DHX29: variants seen among roughly 807,000 people sequenced by gnomAD.
DHX29 encodes the protein DExH-box helicase 29, also known as ATP-dependent RNA helicase DHX29.
In DHX29, 79 loss-of-function variants were observed where a neutral mutation model predicts 167.9. The observed-to-expected ratio is 0.47, with a 90% CI of 0.39 to 0.57. DHX29 has a LOEUF of 0.57. DHX29 is among the 20% of genes least tolerant of loss of function. The pLI, the probability that DHX29 is intolerant of heterozygous loss-of-function variation, is 0.00. For synonymous variants in DHX29, 530 were observed against 546.0 expected, an observed-to-expected ratio of 0.97 and a Z score of 0.41; for missense variants, 1,347 against 1,593.4, an observed-to-expected ratio of 0.85 and a Z score of 2.63.
chr5:55,285,790 T>C lies in DHX29; in HGVS notation c.1138A>G (p.Lys380Glu). The C allele has an allele frequency of 6.2e-7, 1 of 1,605,382 alleles. No homozygotes were observed. Among genetic ancestry groups the C allele is most frequent in the Non-Finnish European group, 8.5e-7 (1 of 1,173,804 alleles). The stretch of plus-strand genomic sequence containing the variant: ...CTGACCCAATCAATCAGAAATTGTT[T>C]GGGAGATTTTCCAGTCCAACTTCGA... ...TARSWTGKSP[K>E]QFLIDWVRKN... The change falls in exon 9 of 27, where the codon AAA (lysine) becomes GAA (glutamate). Residue 380 changes from lysine (K) to glutamate (E), a missense_variant. Transcript: ENST00000251636.
At chr5:55,282,549 T>C (rs183007626) in intron 11 of DHX29, among the ~76,000 whole-genome samples, 78 of 152,264 alleles carry the variant, frequency 5.1e-4, no homozygotes, top group Non-Finnish European at 8.8e-4. Context: ...TAATATGCCA[T>C]CTCCAGAAAG....
At chr5:55,275,761 GTA>G (rs1561146715) in intron 14 of DHX29, among the ~76,000 whole-genome samples, 78 of 152,064 alleles carry the variant, frequency 5.1e-4, no homozygotes, top group African/African-American at 1.7e-3. Context: ...ATGTATGTAT[GTA>G]TGTATGTATG....
chr5:55,288,351 A>G (rs1268666715), intron 8 of DHX29, among the ~76,000 whole-genome samples: 5 of 151,772 alleles, frequency 3.3e-5, no homozygotes, highest in Non-Finnish European at 2.9e-5. Flanking sequence ...TCTAAAACCT[A>G]TAATGCAATG....
At chr5:55,274,511 A>C in intron 16 of DHX29, 103 bp downstream of exon 16, 1 of 818,468 alleles carries the variant, frequency 1.2e-6, no homozygotes, top group Non-Finnish European at 1.9e-6. Context: ...GGTAATTTTA[A>C]CCCATGGTGA....
At position 55,290,306 on chromosome 5, in the gene DHX29, A is replaced by C. The variant is rs1747974654; in HGVS notation, c.819T>G (p.Asp273Glu). The C allele has an allele frequency of 6.2e-7, 1 of 1,611,606 alleles. No individual in the cohort carries two copies. Among genetic ancestry groups the C allele is most frequent in the African/African-American group, 1.3e-5 (1 of 74,734 alleles). ...TAAAGGTAGCTGCTTGTTCTTTTGC[A>C]TCCAGCAGTTTTGCTGCAAGATGTA... is the stretch of plus-strand genomic sequence containing the variant. Reference protein sequence around the residue: ...RYLHLAAKLLDAKEQAATFKL... With the variant: ...RYLHLAAKLLEAKEQAATFKL... Residue 273 changes from aspartate (D) to glutamate (E), a missense_variant, in exon 7 of 27, where the codon GAT (aspartate) becomes GAG (glutamate). Coordinates refer to ENST00000251636, the MANE Select transcript of DHX29 (RefSeq NM_019030.4).
At chr5:55,294,675 T>C (rs1325673161) in intron 5 of DHX29, among the ~76,000 whole-genome samples, 1 of 152,162 alleles carries the variant, frequency 6.6e-6, no homozygotes, top group Non-Finnish European at 1.5e-5. Flanking sequence ...CAAGACTCTG[T>C]CTCAAAAAAA....
intron 6 of DHX29, among the ~76,000 whole-genome samples, chr5:55,292,214 T>C (rs1275635553): frequency 6.6e-6 from 1 of 152,190 alleles, no homozygotes; most frequent in Non-Finnish European, 1.5e-5. Flanking sequence ...ACAGCTGACA[T>C]CCTAACGGGT....
intron 4 of DHX29, among the ~76,000 whole-genome samples, chr5:55,295,870 A>G (rs1748295924): frequency 6.6e-6 from 1 of 152,192 alleles, no homozygotes; most frequent in African/African-American, 2.4e-5. Flanking sequence ...TGCACTCCAG[A>G]TTCTTGCCAA....
chr5:55,297,493 C>T, intron 2 of DHX29, 95 bp from the exon 3 acceptor site: 1 of 638,868 alleles, frequency 1.6e-6, no homozygotes, highest in South Asian at 1.9e-5. Context: ...CCAACCAAGC[C>T]CAAAATTTCA....
chr5:55,289,204 C>A, intron 8 of DHX29, 66 bp downstream of exon 8: 2 of 1,429,506 alleles, frequency 1.4e-6, no homozygotes, highest in African/African-American at 3.0e-5. Flanking sequence ...CGAATTTTAC[C>A]ATTATATATT....
In DHX29 at chr5:55,256,455, A is replaced by C; in HGVS notation, c.*33T>G. Reference sequence around the variant, plus strand: ...AATTTCATGACTGTATCTTCATCTTAATTTTTAAAGCAGTTGACCATGAAT... The same window carrying C: ...AATTTCATGACTGTATCTTCATCTTCATTTTTAAAGCAGTTGACCATGAAT... On this transcript the variant is annotated 3_prime_UTR_variant, in exon 27 of 27. Transcript: ENST00000251636. The C allele has an allele frequency of 6.4e-7, 1 of 1,553,934 alleles. No homozygotes were observed. Among genetic ancestry groups the C allele is most frequent in the Non-Finnish European group, 8.7e-7 (1 of 1,150,408 alleles).
chr5:55,299,024 G>A (rs1449086745), intron 1 of DHX29, among the ~76,000 whole-genome samples: 10 of 124,738 alleles, frequency 8.0e-5, no homozygotes, highest in Admixed American at 6.4e-4. Flanking sequence ...GCGACAGAGC[G>A]AGACTCCGTC....
At chr5:55,261,536 A>G in intron 24 of DHX29, 37 bp from the exon 25 acceptor site, 1 of 1,363,204 alleles carries the variant, frequency 7.3e-7, no homozygotes, top group Non-Finnish European at 1.0e-6. Flanking sequence ...ACTTCAAAAT[A>G]TAAAAATAGA....
At chr5:55,282,039 G>C (rs1250310881) in intron 11 of DHX29, among the ~76,000 whole-genome samples, 1 of 152,046 alleles carries the variant, frequency 6.6e-6, no homozygotes, top group African/African-American at 2.4e-5. Flanking sequence ...CCCCGCCTCA[G>C]CCTCCCAAAG....
chr5:55,276,550 G>A, intron 13 of DHX29, 144 bp from the exon 14 acceptor site: 2 of 621,128 alleles, frequency 3.2e-6, no homozygotes, highest in Middle Eastern at 4.5e-4. Context: ...GTATTATTTG[G>A]GAATGAAGAC....
In DHX29 at chr5:55,267,172, T is replaced by G; in HGVS notation, c.3491A>C (p.Asn1164Thr). The G allele has an allele frequency of 6.2e-7, 1 of 1,613,116 alleles. No individual in the cohort carries two copies. Among genetic ancestry groups the G allele is most frequent in the Non-Finnish European group, 8.5e-7 (1 of 1,179,432 alleles). The change falls in exon 23 of 27, where the codon AAC (asparagine) becomes ACC (threonine). Residue 1164 changes from asparagine (N) to threonine (T), a missense_variant. Physicochemically the swap from Asn to Thr is moderately conservative, Grantham distance 65 (BLOSUM62 0). Around this residue, in one of 3 missense-constraint regions of DHX29, gnomAD observed 882 missense variants for 1,082.4 expected, o/e 0.81. Coordinates refer to ENST00000251636, the MANE Select transcript of DHX29 (RefSeq NM_019030.4). The stretch of plus-strand genomic sequence containing the variant: ...TAACAGTGATGTTCTATTAAGAAAG[T>G]TCCTCCGGCAGTATGTGATTTCAGA... ...YRSEITYCRR[N>T]FLNRTSLLTL...
At chr5:55,298,440 T>C in intron 2 of DHX29, 151 bp downstream of exon 2, 1 of 554,254 alleles carries the variant, frequency 1.8e-6, no homozygotes, top group Non-Finnish European at 3.4e-6. Flanking sequence ...ATGTGTATGA[T>C]TTACTTATTT....
intron 6 of DHX29, among the ~76,000 whole-genome samples, chr5:55,292,868 T>A (rs1748119620): frequency 6.6e-6 from 1 of 152,204 alleles, no homozygotes; most frequent in South Asian, 2.1e-4. Context: ...CTTGACTTAA[T>A]GCTCCAATCA....
In DHX29 at chr5:55,269,622, A is replaced by C; in HGVS notation, c.3085T>G (p.Ser1029Ala). 1 of 1,613,400 alleles carries C rather than the reference A, an allele frequency of 6.2e-7. No homozygotes were observed. Among genetic ancestry groups the C allele is most frequent in the Non-Finnish European group, 8.5e-7 (1 of 1,179,430 alleles). ...GCTTTGGAGAGGAAATCTTCAGGAGAACCAAGATTACATTTCTGCAGATTA... is the reference window on the plus strand; with the variant it reads ...GCTTTGGAGAGGAAATCTTCAGGAGCACCAAGATTACATTTCTGCAGATTA... ...CLHIMKCNLGSPEDFLSKALD... is the reference protein window; with the variant it reads ...CLHIMKCNLGAPEDFLSKALD... Residue 1029 changes from serine to alanine, a missense_variant, in exon 21 of 27, where the codon TCT becomes GCT. By Grantham distance (99) the Ser-to-Ala change is moderately conservative. Around this residue, in one of 3 missense-constraint regions of DHX29, gnomAD observed 882 missense variants for 1,082.4 expected, o/e 0.81. Coordinates refer to ENST00000251636, the MANE Select transcript of DHX29 (RefSeq NM_019030.4).
Sources: allele counts gnomAD v4.1 joint callset (sites outside exome capture counted in the v4.1 genomes callset), GRCh38; gene constraint gnomAD v4.1.1; regional missense constraint gnomAD v4.1.1; transcripts MANE v1.5; gene names NCBI Gene and HGNC (gene_info 2026-07-23, HGNC 2026-07-21).